Variants in EPS8L2 observed in about 807,000 individuals in gnomAD.
The protein encoded by EPS8L2 is epidermal growth factor receptor kinase substrate 8-like protein 2.
In EPS8L2, 81 loss-of-function variants were observed where a neutral mutation model predicts 99.4. That is an observed-to-expected ratio of 0.82 (90% CI 0.68 to 0.98). The LOEUF is 0.98. Among genes scored for constraint, EPS8L2 ranks in the 50% least tolerant of loss-of-function variants. The pLI is 0.00. For synonymous variants in EPS8L2, 509 were observed against 407.3 expected (o/e 1.25, Z -3.01); for missense variants, 1,155 against 968.8 (o/e 1.19, Z -2.55).
chr11:717,108 C>T (rs1008032789), intron 4 of EPS8L2, among the ~76,000 whole-genome samples: 1 of 152,086 alleles, frequency 6.6e-6, no homozygotes, highest in Non-Finnish European at 1.5e-5. Context: ...TCCTGAGTAG[C>T]CGGGGTTACA....
chr11:717,926 G>A (rs536232946), intron 4 of EPS8L2, among the ~76,000 whole-genome samples: 254 of 152,012 alleles, frequency 1.7e-3, no homozygotes, highest in Middle Eastern at 6.8e-3. Flanking sequence ...GGAGAATGGC[G>A]TGAACCTGGG....
rs371546429 is a variant in EPS8L2 at position 721,916 on chromosome 11, A to G, written c.909A>G (p.Thr303=). The G allele has an allele frequency of 3.8e-6, 6 of 1,591,990 alleles. No individual in the cohort carries two copies. In the African/African-American group the frequency reaches 8.1e-5, roughly 21 times the overall value. Residue 303 remains threonine, a synonymous_variant, in exon 11 of 21, where the codon ACA becomes ACG. Coordinates refer to ENST00000318562, the MANE Select transcript of EPS8L2 (RefSeq NM_022772.4). ...GKKAPAEGVL[T]LRARPPSEGE... ...CTCCCATGCCAGAGGGCGTCCTCAC[A>G]CTGCGGGCACGGCCCCCCTCTGAGG...
chr11:723,384 A>C, intron 15 of EPS8L2, 31 bp downstream of exon 15: 1 of 1,037,832 alleles, frequency 9.6e-7, no homozygotes, highest in East Asian at 2.6e-5. Flanking sequence ...GGGAGCATGA[A>C]AGTGAAACCC....
At chr11:715,968 CTTTTTT>C (rs150677634) in intron 4 of EPS8L2, among the ~76,000 whole-genome samples, 1 of 91,572 alleles carries the variant, frequency 1.1e-5, no homozygotes, top group Non-Finnish European at 2.0e-5. Flanking sequence ...GATTATTTAT[CTTTTTT>C]TTTTTTTTTT....
chr11:727,182 A>C lies in EPS8L2; in HGVS notation c.*201A>C. 1.0e-5 allele frequency: 5 copies of C among 477,716 alleles called. No homozygotes were observed. The highest frequency in any genetic ancestry group is 3.6e-5 in the East Asian group (1 of 27,874). The allele number at this position is 477,716 out of a possible 1,614,324, so 29.6% of individuals were successfully genotyped here. ...AAGGCCTCAGCCCACACCAAGACTA[A>C]TCTCAGCCAAACCTGCTGCTTGGTG... On this transcript the variant is annotated 3_prime_UTR_variant, in exon 21 of 21. Transcript: ENST00000318562.
chr11:710,247 G>A (rs1861848880), intron 3 of EPS8L2, 175 bp from the exon 4 acceptor site: 2 of 625,180 alleles, frequency 3.2e-6, no homozygotes, highest in Non-Finnish European at 2.9e-6. Flanking sequence ...CTGGAGGGAG[G>A]GAGGGGGCTT....
At chr11:712,186 T>C (rs969898469) in intron 4 of EPS8L2, among the ~76,000 whole-genome samples, 3 of 151,068 alleles carry the variant, frequency 2.0e-5, no homozygotes, top group Non-Finnish European at 4.4e-5. Context: ...CTTGGGAAGC[T>C]GAGACAGGAG....
chr11:725,621 C>T, intron 16 of EPS8L2, 107 bp from the exon 17 acceptor site: 1 of 1,082,994 alleles, frequency 9.2e-7, no homozygotes, highest in Non-Finnish European at 1.2e-6. Context: ...CGAAGCGGGG[C>T]TCCGGGAGAC....
chr11:726,939 C>A lies in EPS8L2; in HGVS notation c.2106C>A (p.Asn702Lys). Residue 702 changes from asparagine to lysine, a missense_variant, in exon 21 of 21, where the codon AAC (asparagine) becomes AAA (lysine). Transcript: ENST00000318562. The part of the protein sequence containing the change: ...QSGSELEELM[N>K]KFHSMNQRRG... ...GGTCGGAGCTGGAAGAACTCATGAA[C>A]AAGTTTCATTCCATGAATCAGAGGA... The A allele has an allele frequency of 4.3e-6, 7 of 1,613,452 alleles. No homozygotes were observed. Among genetic ancestry groups the A allele is most frequent in the Non-Finnish European group, 5.9e-6 (7 of 1,179,924 alleles).
chr11:721,762 G>A (rs765763246), intron 10 of EPS8L2, 71 bp downstream of exon 10: 14 of 1,553,858 alleles, frequency 9.0e-6, no homozygotes, highest in South Asian at 1.1e-5. Context: ...CAGGGACGGG[G>A]ACGGGGCCAG....
intron 9 of EPS8L2, 26 bp from the exon 10 acceptor site, chr11:721,539 T>C (rs1862173690): frequency 1.3e-6 from 2 of 1,528,752 alleles, no homozygotes; most frequent in Non-Finnish European, 1.8e-6. Flanking sequence ...TGTCAGGGGC[T>C]GACCCCTGAC....
intron 5 of EPS8L2, 42 bp downstream of exon 5, chr11:720,265 G>T (rs1373470334): frequency 5.0e-6 from 8 of 1,600,598 alleles, no homozygotes; most frequent in African/African-American, 1.3e-5. Context: ...ACAGTGGGTA[G>T]AGGCGGTGGC....
rs1252303916 is a variant in EPS8L2 at position 724,816 on chromosome 11, A to G, written c.1547A>G (p.Asp516Gly). ...RNANELSVLK[D>G]EVLEVLEDGR... Reference sequence around the variant, plus strand: ...GCCAACGAGCTATCGGTGCTCAAGGATGAGGTCCTAGAGGTGAGGGGCTGG... The same window carrying G: ...GCCAACGAGCTATCGGTGCTCAAGGGTGAGGTCCTAGAGGTGAGGGGCTGG... The change falls in exon 16 of 21, where the codon GAT becomes GGT. Residue 516 changes from aspartate (D) to glycine (G), a missense_variant. By Grantham distance (94) the Asp-to-Gly change is moderately conservative (BLOSUM62 -1). Coordinates refer to ENST00000318562, the MANE Select transcript of EPS8L2 (RefSeq NM_022772.4). The surrounding 1 kb of genome is among the most constrained non-coding windows in gnomAD (Gnocchi z 5.5). The G allele has an allele frequency of 6.2e-7, 1 of 1,612,552 alleles. No individual in the cohort carries two copies. The highest frequency in any genetic ancestry group is 8.5e-7 in the Non-Finnish European group (1 of 1,179,088).
intron 17 of EPS8L2, 74 bp downstream of exon 17, chr11:725,921 C>T: frequency 2.2e-6 from 3 of 1,383,204 alleles, no homozygotes; most frequent in South Asian, 3.3e-5. Flanking sequence ...TAGCCCCGCC[C>T]CAAGGCCAGC....
chr11:707,488 G>A (rs1024062894), intron 1 of EPS8L2, among the ~76,000 whole-genome samples: 1 of 152,124 alleles, frequency 6.6e-6, no homozygotes, highest in African/African-American at 2.4e-5. Context: ...TCCACAGCCC[G>A]ACTGACCGGG....
rs188576148 is a variant in EPS8L2, at chr11:723,905, C to T, written c.1454+552C>T. Among the ~76,000 whole-genome samples, 13 of 152,326 alleles carry T rather than the reference C, an allele frequency of 8.5e-5. No homozygotes were observed. In the East Asian group the frequency reaches 1.5e-3, roughly 18 times the overall value. On this transcript the variant is annotated intron_variant, in intron 15 of 20. Transcript: ENST00000318562. ...ATGGGAAGCCCCTGACCCTCCCACACCCCAGGATTCAATTTTGGGGTAAAG... is the reference window on the plus strand; with the variant it reads ...ATGGGAAGCCCCTGACCCTCCCACATCCCAGGATTCAATTTTGGGGTAAAG...
rs968762041 is a variant in EPS8L2 at position 722,428 on chromosome 11, A to G, written c.1087A>G (p.Ile363Val). 33 of 1,613,236 alleles carry G rather than the reference A, an allele frequency of 2.0e-5. No homozygotes were observed. The highest frequency in any genetic ancestry group is 2.5e-5 in the Non-Finnish European group (30 of 1,179,924). Residue 363 changes from isoleucine (I) to valine (V), a missense_variant, in exon 13 of 21, where the codon ATC (isoleucine) becomes GTC (valine). By Grantham distance (29) the Ile-to-Val change is conservative (BLOSUM62 3). Transcript: ENST00000318562. ...LIVNTCSGPDIARSVSCPLLS... is the reference protein window; with the variant it reads ...LIVNTCSGPDVARSVSCPLLS... ...CGTCAACACCTGCAGTGGCCCAGAC[A>G]TCGCACGCTCCGTCTCCTGCCCACT...
Position 721,655 on chromosome 11 carries a change from A to T in EPS8L2, c.859A>T (p.Lys287Ter). The change falls in exon 10 of 21, where the codon AAA becomes TAA. Residue 287 changes from lysine (K) to a stop codon, truncating the protein, a stop_gained. Transcript: ENST00000318562. LOFTEE classifies it high-confidence loss of function. ...AEAFKQLNQR[K>*]KGKKKGKKAP... ...GGCTTTCAAGCAGCTGAACCAGCGG[A>T]AAAAGGGGAAGAAGAAGGGCAAGAA... 1 of 1,584,634 alleles carries T rather than the reference A, an allele frequency of 6.3e-7. No individual in the cohort carries two copies. Among genetic ancestry groups the T allele is most frequent in the Non-Finnish European group, 8.6e-7 (1 of 1,168,266 alleles).
chr11:710,416 G>C lies in EPS8L2; in HGVS notation c.101-6G>C, dbSNP rs1301897143. 1 of 1,613,306 alleles carries C rather than the reference G, an allele frequency of 6.2e-7. No individual in the cohort carries two copies. Among genetic ancestry groups the C allele is most frequent in the East Asian group, 2.2e-5 (1 of 44,890 alleles). Reference sequence around the variant, plus strand: ...TCGGGGGAGTGACTGGTGTCTCCCGGTTCAGAGCAGAGGAAGAAGTATTCC... The same window carrying C: ...TCGGGGGAGTGACTGGTGTCTCCCGCTTCAGAGCAGAGGAAGAAGTATTCC... On this transcript the variant is annotated splice_region_variant and splice_polypyrimidine_tract_variant and intron_variant, in intron 3 of 20. Transcript: ENST00000318562.
Sources: allele counts gnomAD v4.1 joint callset (sites outside exome capture counted in the v4.1 genomes callset), GRCh38; gene constraint gnomAD v4.1.1; non-coding constraint Gnocchi (gnomAD v3.1); transcripts MANE v1.5; gene names NCBI Gene and HGNC (gene_info 2026-07-23, HGNC 2026-07-21).